RELN: variants seen among roughly 807,000 people sequenced by gnomAD.
RELN encodes reelin.
A neutral mutation model predicts 427.6 loss-of-function variants in RELN; 108 were observed. The ratio of observed to expected loss-of-function variants is 0.25; its 90% confidence interval spans 0.22 to 0.30. The LOEUF (loss-of-function observed/expected upper bound fraction) is 0.30. Among genes scored for constraint, RELN ranks in the 10% least tolerant of loss-of-function variants. The pLI is 1.00. For missense variants in RELN, 3,715 were observed against 4,302.8 expected, an observed-to-expected ratio of 0.86 and a Z score of 3.82; for synonymous variants, 1,524 against 1,513.4, an observed-to-expected ratio of 1.01 and a Z score of -0.16.
chr7:103,543,224 A>G (rs76200283), intron 42 of RELN, among the ~76,000 whole-genome samples: 9,321 of 152,258 alleles, frequency 0.061, 399 homozygotes, highest in East Asian at 0.24. Flanking sequence ...GGGGCTGTGT[A>G]GCCTTTCCAC....
At chr7:103,778,538 C>T (rs954165901) in intron 3 of RELN, among the ~76,000 whole-genome samples, 1 of 152,162 alleles carries the variant, frequency 6.6e-6, no homozygotes, top group African/African-American at 2.4e-5. Context: ...ACACGATCAG[C>T]CAAATTATCA....
intron 28 of RELN, among the ~76,000 whole-genome samples, chr7:103,588,149 A>G: frequency 6.6e-6 from 1 of 152,218 alleles, no homozygotes; most frequent in East Asian, 1.9e-4. Context: ...ATGTTAATCA[A>G]CAGATACATG....
intron 33 of RELN, 88 bp downstream of exon 33, chr7:103,566,136 T>C: frequency 8.4e-7 from 1 of 1,189,104 alleles, no homozygotes; most frequent in African/African-American, 1.5e-5. Context: ...GCACACGGTT[T>C]TGCATTAGAA....
Position 103,640,583 on chromosome 7 carries a change from A to T in RELN, c.2029T>A (p.Phe677Ile). Residue 677 changes from phenylalanine (F) to isoleucine (I), a missense_variant, in exon 17 of 65, where the codon TTC becomes ATC. By Grantham distance (21) the Phe-to-Ile change is conservative (BLOSUM62 0). Transcript: ENST00000428762. This position sits in a 1 kb window ranked among gnomAD's most constrained non-coding sequence, Gnocchi z 4.1. ...NVYIGPSCLK[F>I]CSGRGQCTRH... ...GTGCACTGTCCTCTGCCAGAACAGA[A>T]TTTGAGACATGACGGGCCAATATAA... is the stretch of plus-strand genomic sequence containing the variant. The T allele has an allele frequency of 6.2e-7, 1 of 1,613,908 alleles. No individual in the cohort carries two copies. Among genetic ancestry groups the T allele is most frequent in the Non-Finnish European group, 8.5e-7 (1 of 1,179,896 alleles).
rs1337651405 is a variant in RELN, at chr7:103,700,970, C to T, written c.842G>A (p.Ser281Asn). The T allele has an allele frequency of 6.2e-7, 1 of 1,612,312 alleles. No homozygotes were observed. Among genetic ancestry groups the T allele is most frequent in the Admixed American group, 1.7e-5 (1 of 59,972 alleles). The change falls in exon 9 of 65, where the codon AGC (serine) becomes AAC (asparagine). Residue 281 changes from serine to asparagine, a missense_variant. Ser to Asn is a conservative substitution (Grantham distance 46). Transcript: ENST00000428762. ...GSCRFSYSDP[S>N]IIVLYAKNNS... The stretch of plus-strand genomic sequence containing the variant: ...ATTCTTGGCATATAACACGATGATG[C>T]TGGGGTCTGAATAACTAAAGCGACA...
chr7:103,503,893 T>TAAAAAA (rs71154347), intron 51 of RELN, among the ~76,000 whole-genome samples: 2 of 96,610 alleles, frequency 2.1e-5, no homozygotes, highest in African/African-American at 3.5e-5. Context: ...AATGTTCTTG[T>TAAAAAA]AAAAAAAAAA....
chr7:103,610,870 C>G (rs1382516245), intron 21 of RELN, 63 bp from the exon 22 acceptor site: 1 of 872,926 alleles, frequency 1.1e-6, no homozygotes, highest in Non-Finnish European at 2.0e-6. Context: ...AATATGTCTA[C>G]TCACCCACTG....
chr7:103,847,472 G>A (rs980739770), intron 2 of RELN, among the ~76,000 whole-genome samples: 1 of 152,124 alleles, frequency 6.6e-6, no homozygotes, highest in African/African-American at 2.4e-5. Flanking sequence ...TGTAGATGAT[G>A]GGTTGATGGG....
intron 1 of RELN, among the ~76,000 whole-genome samples, chr7:103,930,826 C>G (rs1261062579): frequency 6.6e-6 from 1 of 150,650 alleles, no homozygotes; most frequent in Non-Finnish European, 1.5e-5. Context: ...CAGGCTTGGA[C>G]TTCTCAAAAG....
intron 16 of RELN, among the ~76,000 whole-genome samples, chr7:103,649,349 T>G (rs1832864217): frequency 6.6e-6 from 1 of 152,056 alleles, no homozygotes; most frequent in Non-Finnish European, 1.5e-5. Flanking sequence ...GTAGACCACA[T>G]GCTCTCACTT....
chr7:103,876,945 T>C (rs1332195721), intron 2 of RELN, among the ~76,000 whole-genome samples: 2 of 152,126 alleles, frequency 1.3e-5, no homozygotes, highest in Non-Finnish European at 2.9e-5. Flanking sequence ...ATGGACACTT[T>C]TCAGGCTTTA....
intron 5 of RELN, among the ~76,000 whole-genome samples, chr7:103,752,749 T>C (rs1447596200): frequency 6.6e-6 from 1 of 152,216 alleles, no homozygotes; most frequent in Non-Finnish European, 1.5e-5. Context: ...CAAAATAATT[T>C]CTTTTTCTTA....
At chr7:103,675,260 C>T (rs1007858896) in intron 11 of RELN, among the ~76,000 whole-genome samples, 8 of 152,166 alleles carry the variant, frequency 5.3e-5, no homozygotes, top group Non-Finnish European at 7.4e-5. Flanking sequence ...AGAAGAGAGC[C>T]AAATCATGAG....
intron 6 of RELN, among the ~76,000 whole-genome samples, chr7:103,741,424 A>G (rs1790651773): frequency 1.3e-5 from 2 of 151,982 alleles, no homozygotes; most frequent in Admixed American, 1.3e-4. Flanking sequence ...TGAAAATGCA[A>G]TGAAGGAAGA....
chr7:103,880,150 T>C (rs1794573226), intron 2 of RELN, among the ~76,000 whole-genome samples: 1 of 151,950 alleles, frequency 6.6e-6, no homozygotes, highest in South Asian at 2.1e-4. Flanking sequence ...CTAAAACAGA[T>C]GGCTGATTTA....
At chr7:103,759,226 A>T (rs1791235871) in intron 4 of RELN, among the ~76,000 whole-genome samples, 1 of 152,138 alleles carries the variant, frequency 6.6e-6, no homozygotes, top group Admixed American at 6.5e-5. Context: ...GAATGAACAC[A>T]AGATCTCTGT....
At chr7:103,672,879 T>G (rs897412698) in intron 11 of RELN, among the ~76,000 whole-genome samples, 14 of 152,182 alleles carry the variant, frequency 9.2e-5, no homozygotes, top group Non-Finnish European at 1.6e-4. Flanking sequence ...CTACATGTAC[T>G]GATGCATGAA....
intron 3 of RELN, among the ~76,000 whole-genome samples, chr7:103,787,064 A>G (rs1250948414): frequency 6.6e-6 from 1 of 152,192 alleles, no homozygotes; most frequent in Non-Finnish European, 1.5e-5. Context: ...CCTCACAACT[A>G]CATGGAAACT....
intron 2 of RELN, among the ~76,000 whole-genome samples, chr7:103,844,497 C>T (rs996060676): frequency 2.0e-5 from 3 of 151,920 alleles, no homozygotes; most frequent in African/African-American, 7.3e-5. Flanking sequence ...CAAAGATTAA[C>T]ACATTTTTTC....
Sources: gnomAD v4.1 joint callset for allele counts (sites outside exome capture counted in the v4.1 genomes callset) on GRCh38, gnomAD v4.1.1 for gene constraint, Gnocchi (gnomAD v3.1) non-coding constraint, MANE v1.5 for transcripts, NCBI Gene and HGNC (gene_info 2026-07-23, HGNC 2026-07-21) for gene names.